Variants in PIK3R1 observed in about 807,000 individuals in gnomAD.
PIK3R1 encodes the protein phosphatidylinositol 3-kinase regulatory subunit alpha.
Under a neutral mutation model 98.0 loss-of-function variants are expected in PIK3R1, and 29 were observed. The observed-to-expected ratio is 0.30, with a 90% confidence interval of 0.22 to 0.40. The LOEUF (loss-of-function observed/expected upper bound fraction) is 0.40, where lower values mean the gene tolerates loss of function less well. Ranked by LOEUF, PIK3R1 falls within the 10% of genes least tolerant of loss-of-function variation. The pLI, the probability that PIK3R1 is intolerant of heterozygous loss-of-function variation, is 1.00. For missense variants in PIK3R1, 596 were observed against 872.7 expected (o/e 0.68, Z 3.99); for synonymous variants, 282 against 311.8 (o/e 0.90, Z 1.01).
Position 68,300,661 on chromosome 5 carries a change from C to T in PIK3R1, c.*3060C>T, listed in dbSNP as rs990169449. 3 of 233,154 alleles carry T rather than the reference C, an allele frequency of 1.3e-5. No homozygotes were observed. Among genetic ancestry groups the T allele is most frequent in the East Asian group, 6.0e-5 (1 of 16,598 alleles). The allele number at this position is 233,154 out of a possible 1,614,324, so 14.4% of individuals were successfully genotyped here. A position where few individuals can be genotyped will look rare whatever the true frequency, so the allele number is the denominator to read the frequency against. On this transcript the variant is annotated 3_prime_UTR_variant, in exon 16 of 16. Coordinates refer to ENST00000521381, the MANE Select transcript of PIK3R1 (RefSeq NM_181523.3). Reference sequence around the variant, plus strand: ...ATGTGCATGGACTGTGTTTCCAGTACACCTTTCAGCCAAAACAGATCCACA... The same window carrying T: ...ATGTGCATGGACTGTGTTTCCAGTATACCTTTCAGCCAAAACAGATCCACA...
chr5:68,226,849 C>T lies in PIK3R1; in HGVS notation c.174C>T (p.Gly58=). ...CTGAAGAAATTGGCTGGTTAAATGGCTATAATGAAACCACAGGGGAAAGGG... is the reference window on the plus strand; with the variant it reads ...CTGAAGAAATTGGCTGGTTAAATGGTTATAATGAAACCACAGGGGAAAGGG... ...ARPEEIGWLN[G]YNETTGERGD... Residue 58 remains glycine (G), a synonymous_variant, in exon 2 of 16, where the codon GGC becomes GGT. Transcript: ENST00000521381. The T allele has an allele frequency of 1.9e-6, 3 of 1,614,020 alleles. No homozygotes were observed. The highest frequency in any genetic ancestry group is 1.1e-5 in the South Asian group (1 of 91,084).
intron 7 of PIK3R1, chr5:68,288,455 C>G: frequency 7.8e-7 from 1 of 1,285,140 alleles, no homozygotes; most frequent in Non-Finnish European, 9.8e-7. Flanking sequence ...CAATGAGGAG[C>G]CGGCAGTGAG....
chr5:68,256,143 ATCTGAG>A (rs1443672916), intron 2 of PIK3R1, among the ~76,000 whole-genome samples: 1 of 152,210 alleles, frequency 6.6e-6, no homozygotes, highest in Non-Finnish European at 1.5e-5. Flanking sequence ...GTGGTTATTA[ATCTGAG>A]TCTTTCTCCA....
At chr5:68,255,821 A>C (rs2112085875) in intron 2 of PIK3R1, among the ~76,000 whole-genome samples, 1 of 152,364 alleles carries the variant, frequency 6.6e-6, no homozygotes, top group African/African-American at 2.4e-5. Context: ...GAAAATTACA[A>C]ATTCCCAAAA....
intron 2 of PIK3R1, among the ~76,000 whole-genome samples, chr5:68,228,639 T>C (rs1461609170): frequency 6.6e-6 from 1 of 152,190 alleles, no homozygotes; most frequent in Non-Finnish European, 1.5e-5. Flanking sequence ...TTAAAAACGC[T>C]TTCTTCAGTA....
rs535203695 is a variant in PIK3R1, at chr5:68,249,779, C to A, written c.334+22770C>A. Among the ~76,000 whole-genome samples, 4 of 151,950 alleles carry A rather than the reference C, an allele frequency of 2.6e-5. No individual in the cohort carries two copies. The South Asian group carries it at 8.3e-4, about 32-fold the overall frequency. On this transcript the variant is annotated intron_variant, in intron 2 of 15. Coordinates refer to ENST00000521381, the MANE Select transcript of PIK3R1 (RefSeq NM_181523.3). ...GGCCTGCTTGTGGTGGGGTGGGGGG[C>A]GTTAACATAGATACTTTCTCAGTCA...
intron 2 of PIK3R1, among the ~76,000 whole-genome samples, chr5:68,266,769 AAT>A (rs1177687777): frequency 6.6e-6 from 1 of 152,240 alleles, no homozygotes; most frequent in Non-Finnish European, 1.5e-5. Context: ...ACATTGGACA[AAT>A]AGTTTCCTTG....
chr5:68,219,835 T>C (rs1036147288), intron 1 of PIK3R1, among the ~76,000 whole-genome samples: 4 of 152,246 alleles, frequency 2.6e-5, no homozygotes, highest in African/African-American at 9.6e-5. Flanking sequence ...CATTCAATAC[T>C]AATAGAAATA....
rs1303815384 is a variant in PIK3R1, at chr5:68,263,120, TATAG to T, written c.335-10266_335-10263del. ...ATGTATATAGATACATACATAGATA[TATAG>T]ATACATAGATACATATATATTTATA... On this transcript the variant is annotated intron_variant, in intron 2 of 15. Coordinates refer to ENST00000521381, the MANE Select transcript of PIK3R1 (RefSeq NM_181523.3). Among the ~76,000 whole-genome samples the T allele has an allele frequency of 8.5e-5, 9 of 105,366 alleles. 1 individual carries two copies. Among genetic ancestry groups the T allele is most frequent in the Admixed American group, 6.5e-4 (7 of 10,706 alleles). The allele number at this position is 105,366 out of a possible 152,430, so 69.1% of individuals were successfully genotyped here. A position where few individuals can be genotyped will look rare whatever the true frequency, so the allele number is the denominator to read the frequency against.
At chr5:68,228,617 A>T (rs1468294605) in intron 2 of PIK3R1, among the ~76,000 whole-genome samples, 1 of 151,922 alleles carries the variant, frequency 6.6e-6, no homozygotes, top group Admixed American at 6.6e-5. Flanking sequence ...TTCACCTTTT[A>T]TTTTTTTTAA....
intron 2 of PIK3R1, among the ~76,000 whole-genome samples, chr5:68,233,520 T>C (rs796524684): frequency 5.9e-5 from 9 of 152,368 alleles, no homozygotes; most frequent in African/African-American, 2.2e-4. Flanking sequence ...TTGGGTATAG[T>C]GTACCTAAAA....
intron 2 of PIK3R1, among the ~76,000 whole-genome samples, chr5:68,244,589 C>CA (rs752534278): frequency 0.013 from 1,420 of 105,700 alleles, 8 homozygotes; most frequent in Non-Finnish European, 0.018. Context: ...CTCTGGACCT[C>CA]AAAAAAAAAA....
chr5:68,220,502 G>A (rs549144908), intron 1 of PIK3R1, among the ~76,000 whole-genome samples: 6 of 152,286 alleles, frequency 3.9e-5, no homozygotes, highest in South Asian at 4.1e-4. Context: ...GTGCCTAAGC[G>A]TTGCTGTCAC....
intron 1 of PIK3R1, chr5:68,217,653 T>TGC (rs1299298712): frequency 0.097 from 14,546 of 149,354 alleles, 856 homozygotes; most frequent in African/African-American, 0.16. Context: ...TGTGTGTGTG[T>TGC]GCGCGCGCGT....
In PIK3R1 at chr5:68,297,584, G is replaced by A. The variant is rs1193525539; in HGVS notation, c.2158G>A (p.Ala720Thr). The A allele has an allele frequency of 6.2e-7, 1 of 1,613,968 alleles. No individual in the cohort carries two copies. The highest frequency in any genetic ancestry group is 8.5e-7 in the Non-Finnish European group (1 of 1,179,916). ...TGTCACACTAGCCTACCCAGTATAT[G>A]CACAGCAGAGGCGATGAAGCGCTTA... ...LNVTLAYPVY[A>T]QQRR is the part of the protein sequence containing the mutation. The change falls in exon 16 of 16, where the codon GCA (alanine) becomes ACA (threonine). Residue 720 changes from alanine to threonine, a missense_variant. Ala to Thr is a moderately conservative substitution (Grantham distance 58, BLOSUM62 0). This residue lies in a region of PIK3R1 where 207 missense variants were observed against 361.4 expected (regional missense o/e 0.57). Transcript: ENST00000521381.
At chr5:68,244,826 G>A (rs1036393110) in intron 2 of PIK3R1, among the ~76,000 whole-genome samples, 6 of 152,112 alleles carry the variant, frequency 3.9e-5, no homozygotes, top group African/African-American at 1.4e-4. Flanking sequence ...ATCTTTAACT[G>A]AACATCATCT....
intron 1 of PIK3R1, among the ~76,000 whole-genome samples, chr5:68,219,975 G>T (rs530817539): frequency 6.6e-6 from 1 of 152,290 alleles, no homozygotes; most frequent in South Asian, 2.1e-4. Flanking sequence ...ATGGTTAAAT[G>T]AGTTGATATA....
chr5:68,262,846 G>GATGCATGTAGATACATGT (rs2112119712), intron 2 of PIK3R1, among the ~76,000 whole-genome samples: 1 of 34,686 alleles, frequency 2.9e-5, no homozygotes, highest in South Asian at 9.3e-4. Flanking sequence ...TATACATGTA[G>GATGCATGTAGATACATGT]ATACATGTAG....
At chr5:68,290,874 G>A (rs201997158) in intron 7 of PIK3R1, 12 of 1,406,664 alleles carry the variant, frequency 8.5e-6, no homozygotes, top group Admixed American at 6.6e-5. Flanking sequence ...AGTTAATTTC[G>A]TGGCTTTTTA....
Sources: allele counts gnomAD v4.1 joint callset (sites outside exome capture counted in the v4.1 genomes callset), GRCh38; gene constraint gnomAD v4.1.1; regional missense constraint gnomAD v4.1.1; transcripts MANE v1.5; gene names NCBI Gene and HGNC (gene_info 2026-07-23, HGNC 2026-07-21).